DSC2: variants seen among roughly 807,000 people sequenced by gnomAD.
The protein encoded by DSC2 is desmocollin-2.
Under a neutral mutation model 87.6 loss-of-function variants are expected in DSC2, and 51 were observed. The ratio of observed to expected loss-of-function variants is 0.58; its 90% CI spans 0.46 to 0.74. The LOEUF is 0.74. DSC2 is among the 30% of genes least tolerant of loss of function. DSC2 has a pLI of 0.00. For missense variants in DSC2, 1,066 were observed against 1,089.5 expected, an observed-to-expected ratio of 0.98 and a Z score of 0.30; for synonymous variants, 383 against 393.2, an observed-to-expected ratio of 0.97 and a Z score of 0.31.
intron 1 of DSC2, among the ~76,000 whole-genome samples, chr18:31,094,133 G>A (rs879880108): frequency 4.6e-5 from 7 of 152,230 alleles, no homozygotes; most frequent in Non-Finnish European, 1.0e-4. Context: ...GGAGAGTGCT[G>A]AAAACTATCA....
intron 12 of DSC2, 90 bp downstream of exon 12, chr18:31,074,593 G>A: frequency 8.3e-7 from 1 of 1,209,992 alleles, no homozygotes; most frequent in Non-Finnish European, 1.2e-6. Flanking sequence ...TTCCCACATG[G>A]TGAATTTTCT....
intron 2 of DSC2, among the ~76,000 whole-genome samples, chr18:31,093,179 T>C (rs1567983380): frequency 6.6e-6 from 1 of 152,224 alleles, no homozygotes; most frequent in East Asian, 1.9e-4. Context: ...GTGCAGGATG[T>C]GCAGGTTTGT....
intron 2 of DSC2, 97 bp from the exon 3 acceptor site, chr18:31,092,397 T>C (rs1211608044): frequency 3.1e-6 from 3 of 982,246 alleles, no homozygotes; most frequent in Non-Finnish European, 4.8e-6. Flanking sequence ...AAACTTAAAA[T>C]TCATTATACT....
In DSC2 at chr18:31,099,114, C is replaced by T. The variant is rs577366361; in HGVS notation, c.69+2789G>A. Among the ~76,000 whole-genome samples the T allele has an allele frequency of 7.9e-5, 12 of 152,218 alleles. No individual in the cohort carries two copies. The South Asian group carries it at 2.5e-3, about 32-fold the overall frequency. On this transcript the variant is annotated intron_variant, in intron 1 of 15. Transcript: ENST00000280904. ...ACACATCACAGTCAGTAGAGTGATA[C>T]AAAGGACTATTGTTCAATGAAGACA...
At chr18:31,099,124 T>C (rs761170984) in intron 1 of DSC2, among the ~76,000 whole-genome samples, 2 of 152,210 alleles carry the variant, frequency 1.3e-5, no homozygotes, top group Non-Finnish European at 2.9e-5. Flanking sequence ...CAAAGGACTA[T>C]TGTTCAATGA....
rs1238451971 is a variant in DSC2 at position 31,080,335 on chromosome 18, T to G, written c.1281A>C (p.Glu427Asp). The change falls in exon 10 of 16, where the codon GAA becomes GAC. Residue 427 changes from glutamate to aspartate, a missense_variant. Glu to Asp is a conservative substitution (Grantham distance 45). Coordinates refer to ENST00000280904, the MANE Select transcript of DSC2 (RefSeq NM_024422.6). ...LCVVKPLNYE[E>D]KQQMILQIGV... The stretch of plus-strand genomic sequence containing the variant: ...CAATTTGCAAGATCATCTGTTGCTT[T>G]TCTTCATAATTCAAAGGCTACGAAA... 1 of 1,613,974 alleles carries G rather than the reference T, an allele frequency of 6.2e-7. No individual in the cohort carries two copies. The highest frequency in any genetic ancestry group is 8.5e-7 in the Non-Finnish European group (1 of 1,179,920).
intron 3 of DSC2, 66 bp from the exon 4 acceptor site, chr18:31,091,213 T>C (rs1987587288): frequency 2.5e-6 from 4 of 1,591,066 alleles, no homozygotes; most frequent in South Asian, 1.1e-5. Context: ...CATTAAACAA[T>C]GACACATCTT....
rs1986653821 is a variant in DSC2, at chr18:31,067,257, A to G, written c.*758T>C. On this transcript the variant is annotated 3_prime_UTR_variant, in exon 16 of 16. Transcript: ENST00000280904. ...TTTAGCCCATATGGAAATTAAAAAAAAAAAAAAAACTGGAGAGAGAAACAG... is the reference window on the plus strand; with the variant it reads ...TTTAGCCCATATGGAAATTAAAAAAGAAAAAAAAACTGGAGAGAGAAACAG... 1 of 151,812 alleles carries G rather than the reference A, an allele frequency of 6.6e-6. No individual in the cohort carries two copies. The highest frequency in any genetic ancestry group is 1.5e-5 in the Non-Finnish European group (1 of 67,880). The allele number at this position is 151,812 out of a possible 1,614,324, so 9.4% of individuals were successfully genotyped here.
Position 31,067,948 on chromosome 18 carries a change from T to A in DSC2, c.*67A>T, listed in dbSNP as rs1451162718. ...AAATAGCATCTTCTGCTTTAAAAAA[T>A]TCTTGGTTTGTAATTTTTTTTAAAA... On this transcript the variant is annotated 3_prime_UTR_variant, in exon 16 of 16. Coordinates refer to ENST00000280904, the MANE Select transcript of DSC2 (RefSeq NM_024422.6). The A allele has an allele frequency of 1.3e-6, 2 of 1,482,790 alleles. No homozygotes were observed. The highest frequency in any genetic ancestry group is 2.8e-5 in the African/African-American group (2 of 72,180). The allele number at this position is 1,482,790 out of a possible 1,614,324, so 91.9% of individuals were successfully genotyped here.
intron 11 of DSC2, among the ~76,000 whole-genome samples, chr18:31,079,555 G>A (rs556569407): frequency 6.6e-6 from 1 of 152,076 alleles, no homozygotes; most frequent in South Asian, 2.1e-4. Context: ...ACACCCAGCT[G>A]AAACAAGTTT....
chr18:31,101,535 C>G (rs1273686476), intron 1 of DSC2: 1 of 235,506 alleles, frequency 4.2e-6, no homozygotes, highest in African/African-American at 2.3e-5. Flanking sequence ...CACTCCCGCC[C>G]CGGCGCACTC....
chr18:31,071,514 C>G lies in DSC2; in HGVS notation c.2125+91G>C. ...TGAGCGGAGATCACACTACTGCACTCCAGCCTGGGCTCTGTCTCAAAAAAC... is the reference window on the plus strand; with the variant it reads ...TGAGCGGAGATCACACTACTGCACTGCAGCCTGGGCTCTGTCTCAAAAAAC... On this transcript the variant is annotated intron_variant, in intron 13 of 15. Coordinates refer to ENST00000280904, the MANE Select transcript of DSC2 (RefSeq NM_024422.6). 2.5e-6 allele frequency: 3 copies of G among 1,183,632 alleles called. No individual in the cohort carries two copies. In the South Asian group the frequency reaches 3.7e-5, roughly 15 times the overall value. 73.3% of individuals were successfully genotyped at this position (1,183,632 alleles called of 1,614,324 possible).
chr18:31,081,717 G>A, intron 9 of DSC2, among the ~76,000 whole-genome samples: 1 of 152,166 alleles, frequency 6.6e-6, no homozygotes, highest in East Asian at 1.9e-4. Flanking sequence ...ACTAACTCTG[G>A]CTGCTGAAAT....
intron 7 of DSC2, among the ~76,000 whole-genome samples, chr18:31,085,313 G>GA (rs1987360371): frequency 6.6e-6 from 1 of 151,824 alleles, no homozygotes; most frequent in African/African-American, 2.4e-5. Flanking sequence ...AAAACATTTG[G>GA]AAAAATGCAT....
chr18:31,068,327 G>A, intron 15 of DSC2, 115 bp from the exon 16 acceptor site: 1 of 1,613,224 alleles, frequency 6.2e-7, no homozygotes, highest in East Asian at 2.2e-5. Flanking sequence ...TAATCAGAGT[G>A]TGTCCTCTAA....
At chr18:31,097,668 T>C (rs1987805938) in intron 1 of DSC2, among the ~76,000 whole-genome samples, 1 of 151,870 alleles carries the variant, frequency 6.6e-6, no homozygotes, top group Non-Finnish European at 1.5e-5. Flanking sequence ...TAAATCAATA[T>C]GGTACTGGCA....
At chr18:31,088,520 C>T (rs1426209631) in intron 5 of DSC2, among the ~76,000 whole-genome samples, 2 of 152,198 alleles carry the variant, frequency 1.3e-5, no homozygotes, top group South Asian at 2.1e-4. Context: ...TCAAAGCTTG[C>T]CTGTCTTATT....
chr18:31,101,632 G>T (rs1284130145), intron 1 of DSC2: 4 of 438,078 alleles, frequency 9.1e-6, no homozygotes, highest in African/African-American at 8.4e-5. Flanking sequence ...GATTTTGGCT[G>T]GGCGAAAGCG....
rs371313716 is a variant in DSC2, at chr18:31,096,455, G to A, written c.70-2812C>T. ...GCCCACCTAAGATCTAAGAGGATCC[G>A]CTCCACATTAATCTGGGACCCAAAT... is the stretch of plus-strand genomic sequence containing the variant. On this transcript the variant is annotated intron_variant, in intron 1 of 15. Transcript: ENST00000280904. 3.9e-5 allele frequency among the ~76,000 whole-genome samples: 6 copies of A among 152,230 alleles called. No homozygotes were observed. In the South Asian group the frequency reaches 6.2e-4, roughly 16 times the overall value.
Sources: gnomAD v4.1 joint callset for allele counts (sites outside exome capture counted in the v4.1 genomes callset) on GRCh38, gnomAD v4.1.1 for gene constraint, MANE v1.5 for transcripts, NCBI Gene and HGNC (gene_info 2026-07-23, HGNC 2026-07-21) for gene names.